Variants in FRYL observed in about 807,000 individuals in gnomAD.
FRYL encodes FRY like transcription coactivator.
In FRYL, 150 loss-of-function variants were observed where a neutral mutation model predicts 351.2. The observed-to-expected ratio is 0.43, with a 90% CI of 0.37 to 0.49. The LOEUF (loss-of-function observed/expected upper bound fraction) is 0.49. FRYL is among the 20% of genes least tolerant of loss of function. FRYL has a pLI of 0.00. For synonymous variants in FRYL, 1,153 were observed against 1,257.1 expected (o/e 0.92, Z 1.75); for missense variants, 3,036 against 3,619.3 (o/e 0.84, Z 4.13).
intron 3 of FRYL, among the ~76,000 whole-genome samples, chr4:48,646,868 C>A (rs1187182127): frequency 6.6e-6 from 1 of 152,096 alleles, no homozygotes; most frequent in Non-Finnish European, 1.5e-5. Context: ...AATATGATAA[C>A]AGGTAAAAAG....
intron 17 of FRYL, among the ~76,000 whole-genome samples, chr4:48,590,458 G>A (rs1297222351): frequency 6.6e-6 from 1 of 152,012 alleles, no homozygotes. Context: ...CCTCCAGCCT[G>A]GGCAACAAAG....
chr4:48,555,006 A>T (rs1018764593), intron 35 of FRYL, among the ~76,000 whole-genome samples: 6 of 152,202 alleles, frequency 3.9e-5, no homozygotes, highest in African/African-American at 1.4e-4. Context: ...AACTGCAGTG[A>T]TCTCACCAAA....
At chr4:48,778,923 A>G (rs1471675748) in intron 1 of FRYL, among the ~76,000 whole-genome samples, 2 of 152,068 alleles carry the variant, frequency 1.3e-5, no homozygotes, top group Non-Finnish European at 2.9e-5. Context: ...AATCGAAGTA[A>G]TATTTTCCGC....
chr4:48,505,658 G>C (rs1720741238), intron 59 of FRYL, 43 bp from the exon 60 acceptor site: 1 of 1,276,568 alleles, frequency 7.8e-7, no homozygotes. Context: ...ACAGTAAAAT[G>C]GGTAGTGTAA....
chr4:48,674,934 T>G (rs973810722), intron 3 of FRYL, among the ~76,000 whole-genome samples: 1 of 152,210 alleles, frequency 6.6e-6, no homozygotes, highest in African/African-American at 2.4e-5. Flanking sequence ...CCCAGCCTTT[T>G]GATATAGTGC....
At chr4:48,653,544 G>A (rs1161541962) in intron 3 of FRYL, among the ~76,000 whole-genome samples, 2 of 152,058 alleles carry the variant, frequency 1.3e-5, no homozygotes, top group East Asian at 3.8e-4. Flanking sequence ...TGTCTGATGT[G>A]TGCATGTCTA....
At chr4:48,696,559 G>A (rs1322697710) in intron 2 of FRYL, among the ~76,000 whole-genome samples, 1 of 152,006 alleles carries the variant, frequency 6.6e-6, no homozygotes, top group Non-Finnish European at 1.5e-5. Flanking sequence ...GAGAACACTA[G>A]GACAAATAGC....
At chr4:48,650,556 CAG>C (rs1757413919) in intron 3 of FRYL, among the ~76,000 whole-genome samples, 2 of 152,062 alleles carry the variant, frequency 1.3e-5, no homozygotes, top group Admixed American at 6.6e-5. Flanking sequence ...GCGATGCAGG[CAG>C]AGAGATGAGA....
At chr4:48,554,084 T>C (rs1733535186) in intron 35 of FRYL, among the ~76,000 whole-genome samples, 1 of 152,220 alleles carries the variant, frequency 6.6e-6, no homozygotes, top group Non-Finnish European at 1.5e-5. Context: ...ACATATGTTT[T>C]AGTAATGTAT....
At chr4:48,527,315 C>T (rs1726479453) in intron 53 of FRYL, among the ~76,000 whole-genome samples, 162 bp downstream of exon 53, 3 of 152,224 alleles carry the variant, frequency 2.0e-5, no homozygotes, top group South Asian at 4.1e-4. Flanking sequence ...TTATCTCAGA[C>T]TTATTCTATT....
chr4:48,509,808 C>G (rs1722100593), intron 59 of FRYL, among the ~76,000 whole-genome samples: 1 of 152,160 alleles, frequency 6.6e-6, no homozygotes. Context: ...ATGTTGACAG[C>G]AGTGACACAG....
intron 56 of FRYL, among the ~76,000 whole-genome samples, chr4:48,514,725 C>A (rs1346253113): frequency 6.6e-6 from 1 of 152,224 alleles, no homozygotes; most frequent in South Asian, 2.1e-4. Flanking sequence ...CATTTGGCAT[C>A]TGCCAAAATA....
chr4:48,596,901 T>C (rs192197043), intron 13 of FRYL, among the ~76,000 whole-genome samples: 7 of 152,138 alleles, frequency 4.6e-5, no homozygotes, highest in Non-Finnish European at 1.0e-4. Flanking sequence ...CGTTGATTAG[T>C]TTTAGGATGT....
At chr4:48,715,358 G>C (rs1768667475) in intron 1 of FRYL, among the ~76,000 whole-genome samples, 2 of 152,170 alleles carry the variant, frequency 1.3e-5, no homozygotes, top group African/African-American at 4.8e-5. Context: ...TGACACGATT[G>C]TATATCTAGA....
At chr4:48,693,443 T>C (rs529476008) in intron 2 of FRYL, among the ~76,000 whole-genome samples, 1 of 152,262 alleles carries the variant, frequency 6.6e-6, no homozygotes, top group East Asian at 1.9e-4. Context: ...CATAAATGTT[T>C]GAGCTGAGGA....
At chr4:48,592,401 GA>G (rs1410377465) in intron 16 of FRYL, among the ~76,000 whole-genome samples, 1 of 151,702 alleles carries the variant, frequency 6.6e-6, no homozygotes, top group East Asian at 1.9e-4. Flanking sequence ...TCCAAGAAAA[GA>G]AAATACAGAT....
rs1482459536 is a variant in FRYL, at chr4:48,573,221, G to T, written c.2869C>A (p.Pro957Thr). The change falls in exon 26 of 64, where the codon CCC (proline) becomes ACC (threonine). Residue 957 changes from proline to threonine, a missense_variant. Pro to Thr is a conservative substitution (Grantham distance 38). Transcript: ENST00000358350. Reference protein sequence around the residue: ...AFRELIEELHPIIKEALERRP... With the variant: ...AFRELIEELHTIIKEALERRP... Reference sequence around the variant, plus strand: ...CTTTCGAGTGCTTCTTTAATTATGGGATGTAATTCCTCTATTAGTTCCCTG... The same window carrying T: ...CTTTCGAGTGCTTCTTTAATTATGGTATGTAATTCCTCTATTAGTTCCCTG... 1 of 1,611,400 alleles carries T rather than the reference G, an allele frequency of 6.2e-7. No homozygotes were observed.
intron 1 of FRYL, among the ~76,000 whole-genome samples, chr4:48,749,188 C>T (rs768661349): frequency 6.6e-6 from 1 of 152,188 alleles, no homozygotes; most frequent in Non-Finnish European, 1.5e-5. Context: ...TAATGTGATC[C>T]ACCATACATT....
intron 1 of FRYL, among the ~76,000 whole-genome samples, chr4:48,769,399 A>G (rs1775294167): frequency 6.6e-6 from 1 of 152,254 alleles, no homozygotes; most frequent in South Asian, 2.1e-4. Flanking sequence ...CTACTAGAAC[A>G]GTTAAAATAT....
Sources: gnomAD v4.1 joint callset for allele counts (sites outside exome capture counted in the v4.1 genomes callset) on GRCh38, gnomAD v4.1.1 for gene constraint, MANE v1.5 for transcripts, NCBI Gene and HGNC (gene_info 2026-07-23, HGNC 2026-07-21) for gene names.